ATP6V0A2: variants seen among roughly 807,000 people sequenced by gnomAD.
ATP6V0A2 encodes the protein V-type proton ATPase 116 kDa subunit a 2.
ATP6V0A2 carries 58 observed loss-of-function variants against 104.4 expected under a neutral mutation model. The observed-to-expected ratio is 0.56, with a 90% CI of 0.45 to 0.69. ATP6V0A2 has a LOEUF of 0.69. Among genes scored for constraint, ATP6V0A2 ranks in the 30% least tolerant of loss-of-function variants. ATP6V0A2 has a pLI of 0.00. For synonymous variants in ATP6V0A2, 376 were observed against 397.9 expected, an observed-to-expected ratio of 0.95 and a Z score of 0.65; for missense variants, 938 against 1,062.9, an observed-to-expected ratio of 0.88 and a Z score of 1.63.
In ATP6V0A2 at chr12:123,760,133, G is replaced by T. The variant is rs1424322494; in HGVS notation, c.*2101G>T. 1 of 152,150 alleles carries T rather than the reference G, an allele frequency of 6.6e-6. No homozygotes were observed. Among genetic ancestry groups the T allele is most frequent in the African/African-American group, 2.4e-5 (1 of 41,422 alleles). 9.4% of individuals were successfully genotyped at this position (152,150 alleles called of 1,614,324 possible). ...CCAAGACTTCAGGGCACTGTTAGCT[G>T]ATTGGTAAATAAGGGACACGATATT... On this transcript the variant is annotated 3_prime_UTR_variant, in exon 20 of 20. Transcript: ENST00000330342.
intron 9 of ATP6V0A2, chr12:123,738,829 G>T (rs1181034741): frequency 6.6e-6 from 1 of 152,104 alleles, no homozygotes; most frequent in East Asian, 1.9e-4. Context: ...GAGTTTTTTG[G>T]TTATGTAACC....
In ATP6V0A2 at chr12:123,756,873, C is replaced by T; in HGVS notation, c.2352C>T (p.Thr784=). 5.0e-6 allele frequency: 8 copies of T among 1,614,228 alleles called. No individual in the cohort carries two copies. Among genetic ancestry groups the T allele is most frequent in the Non-Finnish European group, 6.8e-6 (8 of 1,180,036 alleles). Residue 784 remains threonine (T), a synonymous_variant, in exon 19 of 20, where the codon ACC becomes ACT. Transcript: ENST00000330342. The part of the protein sequence containing the change: ...LMRVGLRVDT[T]YGVLLLLPVI... ...GCGTGGGCCTCCGCGTTGACACCACCTATGGCGTCTTGCTACTGCTCCCGG... is the reference window on the plus strand; with the variant it reads ...GCGTGGGCCTCCGCGTTGACACCACTTATGGCGTCTTGCTACTGCTCCCGG...
At chr12:123,745,874 C>A (rs1346906467) in intron 13 of ATP6V0A2, among the ~76,000 whole-genome samples, 2 of 152,138 alleles carry the variant, frequency 1.3e-5, no homozygotes, top group Admixed American at 1.3e-4. Flanking sequence ...GACTGAGAAA[C>A]AATCTCAAAG....
At chr12:123,741,547 C>T (rs879762590) in intron 9 of ATP6V0A2, among the ~76,000 whole-genome samples, 5 of 152,144 alleles carry the variant, frequency 3.3e-5, no homozygotes, top group Admixed American at 2.0e-4. Flanking sequence ...GCAATCCTCC[C>T]GTCTCGTCTC....
intron 4 of ATP6V0A2, among the ~76,000 whole-genome samples, chr12:123,725,783 A>G (rs1956443265): frequency 1.3e-5 from 2 of 150,048 alleles, no homozygotes; most frequent in Non-Finnish European, 3.0e-5. Flanking sequence ...GAGACCCTGT[A>G]CCCTGTATCT....
rs1171365721 is a variant in ATP6V0A2, at chr12:123,744,226, G to A, written c.1215G>A (p.Pro405=). 20 of 1,613,874 alleles carry A rather than the reference G, an allele frequency of 1.2e-5. No homozygotes were observed. The highest frequency in any genetic ancestry group is 4.0e-5 in the African/African-American group (3 of 74,830). ...NPALFTIITF[P]FLFAVMFGDF... ...CTCTCTTTACCATCATCACCTTCCC[G>A]TTTTTATTTGCTGTGATGTTTGGAG... Residue 405 remains proline (P), a synonymous_variant, in exon 11 of 20, where the codon CCG becomes CCA. Transcript: ENST00000330342. The surrounding 1 kb of genome is among the most constrained non-coding windows in gnomAD (Gnocchi z 5.4).
rs567885291 is a variant in ATP6V0A2 at position 123,713,361 on chromosome 12, ATTGT to A, written c.117+684_117+687del. 2.6e-3 allele frequency among the ~76,000 whole-genome samples: 398 copies of A among 152,160 alleles called. 2 individuals are homozygous for A. The highest frequency in any genetic ancestry group is 8.9e-3 in the African/African-American group (368 of 41,518). On this transcript the variant is annotated intron_variant, in intron 1 of 19. Coordinates refer to ENST00000330342, the MANE Select transcript of ATP6V0A2 (RefSeq NM_012463.4). The stretch of plus-strand genomic sequence containing the variant: ...TGTGTAAGGACTTAAGAACTCAGTC[ATTGT>A]TTGTCGAGTGGAAGCTGTCTCCCCA...
In ATP6V0A2 at chr12:123,712,374, G is replaced by A. The variant is rs1456724833; in HGVS notation, c.-192G>A. ...GGGCGGGACCTCGCGGACTGCTGTGGCGGCAGCTGGAGCGGCGGCCGCGGT... is the reference window on the plus strand; with the variant it reads ...GGGCGGGACCTCGCGGACTGCTGTGACGGCAGCTGGAGCGGCGGCCGCGGT... On this transcript the variant is annotated 5_prime_UTR_variant, in exon 1 of 20. Transcript: ENST00000330342. The A allele has an allele frequency of 8.5e-6, 3 of 353,762 alleles. No individual in the cohort carries two copies. The highest frequency in any genetic ancestry group is 2.2e-5 in the African/African-American group (1 of 46,354). The allele number at this position is 353,762 out of a possible 1,614,324, so 21.9% of individuals were successfully genotyped here.
In ATP6V0A2 at chr12:123,743,770, T is replaced by C. The variant is rs775312995; in HGVS notation, c.1039-15T>C. The C allele has an allele frequency of 2.5e-6, 4 of 1,613,764 alleles. No individual in the cohort carries two copies. The highest frequency in any genetic ancestry group is 2.5e-6 in the Non-Finnish European group (3 of 1,179,728). Reference sequence around the variant, plus strand: ...TTGGATAGTAATTTTTTATCTTTCCTTGTTTATGTGGAAGAGAGAGAGTGG... The same window carrying C: ...TTGGATAGTAATTTTTTATCTTTCCCTGTTTATGTGGAAGAGAGAGAGTGG... On this transcript the variant is annotated splice_polypyrimidine_tract_variant and intron_variant, in intron 9 of 19. Coordinates refer to ENST00000330342, the MANE Select transcript of ATP6V0A2 (RefSeq NM_012463.4).
intron 1 of ATP6V0A2, among the ~76,000 whole-genome samples, chr12:123,718,011 G>C (rs1956360998): frequency 6.6e-6 from 1 of 151,554 alleles, no homozygotes; most frequent in Non-Finnish European, 1.5e-5. Flanking sequence ...TCCAACCTCT[G>C]CCTCTCGGGC....
At position 123,754,548 on chromosome 12, in the gene ATP6V0A2, G is replaced by C. The variant is rs757433116; in HGVS notation, c.2293+11G>C. 6.3e-7 allele frequency: 1 copy of C among 1,592,050 alleles called. No homozygotes were observed. The highest frequency in any genetic ancestry group is 1.1e-5 in the South Asian group (1 of 90,634). On this transcript the variant is annotated intron_variant, in intron 18 of 19. Transcript: ENST00000330342. ...GCCTGGCTCACGCACGTAAGTTCCTGCTTAGACCTGCAGTTCCCAATGCCC... is the reference window on the plus strand; with the variant it reads ...GCCTGGCTCACGCACGTAAGTTCCTCCTTAGACCTGCAGTTCCCAATGCCC...
At chr12:123,734,854 T>A (rs1052690136) in intron 7 of ATP6V0A2, among the ~76,000 whole-genome samples, 1 of 152,234 alleles carries the variant, frequency 6.6e-6, no homozygotes, top group African/African-American at 2.4e-5. Context: ...GATAGATATT[T>A]GTTTTACTGC....
chr12:123,736,595 TG>T (rs1031656000), intron 8 of ATP6V0A2, among the ~76,000 whole-genome samples: 1 of 152,142 alleles, frequency 6.6e-6, no homozygotes, highest in African/African-American at 2.4e-5. Flanking sequence ...TTGATGACAG[TG>T]AGGGTTCTTG....
rs1566282017 is a variant in ATP6V0A2, at chr12:123,735,565, G to C, written c.766G>C (p.Ala256Pro). The change falls in exon 8 of 20, where the codon GCC becomes CCC. Residue 256 changes from alanine (A) to proline (P), a missense_variant. Transcript: ENST00000330342. ...HCHVYPYPNT[A>P]EERREIQEGL... ...CCACGTGTACCCCTATCCAAACACA[G>C]CCGAGGAGCGGAGGGAGATCCAGGA... is the stretch of plus-strand genomic sequence containing the variant. 6.2e-7 allele frequency: 1 copy of C among 1,613,956 alleles called. No homozygotes were observed. Among genetic ancestry groups the C allele is most frequent in the Non-Finnish European group, 8.5e-7 (1 of 1,179,978 alleles).
intron 16 of ATP6V0A2, 116 bp from the exon 17 acceptor site, chr12:123,752,167 C>A: frequency 6.8e-7 from 1 of 1,463,474 alleles, no homozygotes; most frequent in Non-Finnish European, 9.4e-7. Context: ...GCCTAAAGAA[C>A]TTTTTTATTC....
intron 1 of ATP6V0A2, among the ~76,000 whole-genome samples, chr12:123,714,482 C>A (rs547804570): frequency 2.6e-5 from 4 of 152,126 alleles, no homozygotes; most frequent in Non-Finnish European, 4.4e-5. Context: ...GTGGGAAGTA[C>A]CTGGAAAAGA....
At chr12:123,753,675 G>A (rs1956737339) in intron 17 of ATP6V0A2, among the ~76,000 whole-genome samples, 1 of 152,240 alleles carries the variant, frequency 6.6e-6, no homozygotes. Context: ...GTGGTTGGGG[G>A]TACGAGGCTG....
At position 123,759,012 on chromosome 12, in the gene ATP6V0A2, G is replaced by T. The variant is rs897317308; in HGVS notation, c.*980G>T. The T allele has an allele frequency of 1.3e-5, 2 of 152,516 alleles. No individual in the cohort carries two copies. The highest frequency in any genetic ancestry group is 4.8e-5 in the African/African-American group (2 of 41,406). 9.4% of individuals were successfully genotyped at this position (152,516 alleles called of 1,614,324 possible). A position where few individuals can be genotyped will look rare whatever the true frequency, so the allele number is the denominator to read the frequency against. Reference sequence around the variant, plus strand: ...TTACATAAAACCAGTTATGATAATTGTATGTTTGGAAGATAAATTGTATGC... The same window carrying T: ...TTACATAAAACCAGTTATGATAATTTTATGTTTGGAAGATAAATTGTATGC... On this transcript the variant is annotated 3_prime_UTR_variant, in exon 20 of 20. Transcript: ENST00000330342.
intron 1 of ATP6V0A2, among the ~76,000 whole-genome samples, chr12:123,715,082 A>T (rs1956327569): frequency 6.6e-6 from 1 of 152,358 alleles, no homozygotes; most frequent in Admixed American, 6.5e-5. Flanking sequence ...CTCCGTCTCA[A>T]AAAAAAGTTA....
Sources: allele counts gnomAD v4.1 joint callset (sites outside exome capture counted in the v4.1 genomes callset), GRCh38; gene constraint gnomAD v4.1.1; non-coding constraint Gnocchi (gnomAD v3.1); transcripts MANE v1.5; gene names NCBI Gene and HGNC (gene_info 2026-07-23, HGNC 2026-07-21).